Variants in EIF3E observed in about 807,000 individuals in gnomAD.
EIF3E encodes eIF-3 p48.
A neutral mutation model predicts 59.3 loss-of-function variants in EIF3E; 25 were observed. That is an observed-to-expected ratio of 0.42 (90% CI 0.31 to 0.59). The LOEUF (loss-of-function observed/expected upper bound fraction) is 0.59, where lower values mean the gene tolerates loss of function less well. Ranked by LOEUF, EIF3E falls within the 20% of genes least tolerant of loss-of-function variation. The probability of loss-of-function intolerance (pLI) is 0.15; values close to 1 mark genes in which losing one functional copy is unlikely to be tolerated. For synonymous variants in EIF3E, 176 were observed against 170.2 expected (o/e 1.03, Z -0.26); for missense variants, 317 against 534.3 (o/e 0.59, Z 4.01).
chr8:108,242,437 G>A, intron 1 of EIF3E: 1 of 1,288,926 alleles, frequency 7.8e-7, no homozygotes, highest in South Asian at 1.2e-5. Flanking sequence ...AGTACAGGGA[G>A]CAAATAGATA....
chr8:108,236,244 A>T, intron 3 of EIF3E, 41 bp from the exon 4 acceptor site: 1 of 1,535,866 alleles, frequency 6.5e-7, no homozygotes, highest in Non-Finnish European at 8.9e-7. Context: ...TTTAAAGGCC[A>T]CAGAAAACAA....
chr8:108,215,073 A>G (rs1260376646), intron 9 of EIF3E, among the ~76,000 whole-genome samples: 1 of 152,220 alleles, frequency 6.6e-6, no homozygotes, highest in Non-Finnish European at 1.5e-5. Flanking sequence ...TACAATATTA[A>G]GTAGACTTAG....
At chr8:108,234,462 C>T (rs1188152417) in intron 5 of EIF3E, 2 of 152,102 alleles carry the variant, frequency 1.3e-5, no homozygotes, top group Non-Finnish European at 2.9e-5. Context: ...TCATCTATAC[C>T]CCACGTAATG....
chr8:108,210,456 C>A (rs1402027822), intron 10 of EIF3E, among the ~76,000 whole-genome samples: 2 of 152,138 alleles, frequency 1.3e-5, no homozygotes, highest in Non-Finnish European at 2.9e-5. Flanking sequence ...AGAACAAGTA[C>A]TTTTTTTCCC....
chr8:108,237,679 A>G (rs768831359), intron 3 of EIF3E, among the ~76,000 whole-genome samples: 6 of 152,238 alleles, frequency 3.9e-5, no homozygotes, highest in Non-Finnish European at 5.9e-5. Flanking sequence ...AAAAATTAAT[A>G]TAGGTGTATT....
At chr8:108,205,963 G>A (rs1815094256) in intron 10 of EIF3E, among the ~76,000 whole-genome samples, 1 of 152,178 alleles carries the variant, frequency 6.6e-6, no homozygotes, top group Non-Finnish European at 1.5e-5. Flanking sequence ...ACTACCTGCA[G>A]TTTCAAGCAT....
intron 5 of EIF3E, among the ~76,000 whole-genome samples, chr8:108,232,888 G>A (rs1020041325): frequency 2.9e-5 from 4 of 139,668 alleles, no homozygotes; most frequent in Non-Finnish European, 6.6e-5. Context: ...TTACTGTGCT[G>A]GAACTCTAAC....
At chr8:108,206,670 G>A (rs529120283) in intron 10 of EIF3E, among the ~76,000 whole-genome samples, 13 of 151,848 alleles carry the variant, frequency 8.6e-5, no homozygotes, top group African/African-American at 3.1e-4. Context: ...ACGTACAGTG[G>A]CCTGCACCTA....
Position 108,203,390 on chromosome 8 carries a change from A to T in EIF3E, c.1164+11T>A. On this transcript the variant is annotated intron_variant, in intron 11 of 12. Coordinates refer to ENST00000220849, the MANE Select transcript of EIF3E (RefSeq NM_001568.3). The stretch of plus-strand genomic sequence containing the variant: ...ACTGATAGTATGTAGCATAGCTAAC[A>T]TAATACTCACTAATTTAGAATCAAT... 2 of 1,606,848 alleles carry T rather than the reference A, an allele frequency of 1.2e-6. No homozygotes were observed.
At chr8:108,244,054 C>T (rs1429503667) in intron 1 of EIF3E, among the ~76,000 whole-genome samples, 1 of 152,042 alleles carries the variant, frequency 6.6e-6, no homozygotes, top group Non-Finnish European at 1.5e-5. Flanking sequence ...GACTTTGTAT[C>T]AAGAAGCAAC....
chr8:108,205,535 GCAGTCAAT>G (rs1386208805), intron 10 of EIF3E, among the ~76,000 whole-genome samples: 2 of 152,134 alleles, frequency 1.3e-5, no homozygotes, highest in Non-Finnish European at 2.9e-5. Flanking sequence ...TCTGTTATCA[GCAGTCAAT>G]CCCAGTCTGA....
At chr8:108,243,131 C>A (rs1456247759) in intron 1 of EIF3E, among the ~76,000 whole-genome samples, 1 of 152,138 alleles carries the variant, frequency 6.6e-6, no homozygotes, top group African/African-American at 2.4e-5. Flanking sequence ...ACATTCGGCA[C>A]TGAAAAATCA....
intron 10 of EIF3E, among the ~76,000 whole-genome samples, chr8:108,206,782 G>A (rs557733131): frequency 6.6e-6 from 1 of 152,196 alleles, no homozygotes; most frequent in Non-Finnish European, 1.5e-5. Context: ...CAGCTTGGGT[G>A]ACAGAACAAG....
In EIF3E at chr8:108,237,727, TAGA is replaced by T. The variant is rs1469828110; in HGVS notation, c.324-1527_324-1525del. Among the ~76,000 whole-genome samples, 8 of 152,178 alleles carry T rather than the reference TAGA, an allele frequency of 5.3e-5. No homozygotes were observed. In the East Asian group the frequency reaches 1.5e-3, roughly 29 times the overall value. The stretch of plus-strand genomic sequence containing the variant: ...ATGAAATGTACATGAAATTCCAACA[TAGA>T]AGAACTTCAACAAAAACTGAACATT... On this transcript the variant is annotated intron_variant, in intron 3 of 12. Coordinates refer to ENST00000220849, the MANE Select transcript of EIF3E (RefSeq NM_001568.3).
At chr8:108,231,260 T>C (rs1815616324) in intron 5 of EIF3E, among the ~76,000 whole-genome samples, 1 of 152,152 alleles carries the variant, frequency 6.6e-6, no homozygotes, top group Admixed American at 6.6e-5. Flanking sequence ...AATTTTAACA[T>C]ACATTATTAT....
intron 5 of EIF3E, chr8:108,233,677 GA>G (rs746472216): frequency 0.014 from 4,740 of 348,364 alleles, no homozygotes; most frequent in South Asian, 0.021. Context: ...CTCCATCTTG[GA>G]AAAAAAAAAA....
intron 7 of EIF3E, among the ~76,000 whole-genome samples, chr8:108,219,051 C>T (rs957372985): frequency 1.3e-5 from 2 of 152,104 alleles, no homozygotes; most frequent in African/African-American, 4.8e-5. Context: ...TCCCAAAGTG[C>T]TGGGATTACA....
chr8:108,214,532 G>T, intron 10 of EIF3E, 75 bp downstream of exon 10: 2 of 1,057,430 alleles, frequency 1.9e-6, no homozygotes, highest in Non-Finnish European at 2.7e-6. Flanking sequence ...ATTCTATTAA[G>T]TGTAAATTCA....
chr8:108,232,784 A>G lies in EIF3E; in HGVS notation c.471+2214T>C, dbSNP rs369189471. On this transcript the variant is annotated intron_variant, in intron 5 of 12. Transcript: ENST00000220849. The stretch of plus-strand genomic sequence containing the variant: ...ACCTGCTTTCAAGGGTGGATATGCT[A>G]GAAGAGTTTCAATATCTGGATTTCC... Among the ~76,000 whole-genome samples the G allele has an allele frequency of 1.4e-4, 21 of 152,320 alleles. 1 individual carries two copies. Among genetic ancestry groups the G allele is most frequent in the African/African-American group, 4.3e-4 (18 of 41,580 alleles).
Sources: allele counts gnomAD v4.1 joint callset (sites outside exome capture counted in the v4.1 genomes callset), GRCh38; gene constraint gnomAD v4.1.1; transcripts MANE v1.5; gene names NCBI Gene and HGNC (gene_info 2026-07-23, HGNC 2026-07-21).